The following ASAP1 variants were observed in gnomAD, a reference collection of about 807,000 sequenced individuals.
The protein encoded by ASAP1 is ArfGAP with SH3 domain, ankyrin repeat and PH domain 1.
Under a neutral mutation model 145.2 loss-of-function variants are expected in ASAP1, and 43 were observed. That is an observed-to-expected ratio of 0.30 (90% confidence interval 0.23 to 0.38). The LOEUF is 0.38. Among genes scored for constraint, ASAP1 ranks in the 10% least tolerant of loss-of-function variants. ASAP1 has a pLI of 1.00. For missense variants in ASAP1, 1,018 were observed against 1,355.3 expected (o/e 0.75, Z 3.91); for synonymous variants, 546 against 515.5 (o/e 1.06, Z -0.80).
intron 2 of ASAP1, among the ~76,000 whole-genome samples, chr8:130,398,410 AGT>A (rs1358202987): frequency 1.3e-5 from 2 of 152,238 alleles, no homozygotes; most frequent in Non-Finnish European, 2.9e-5. Context: ...ATAATGGTAT[AGT>A]AGTAATAATA....
At chr8:130,098,309 A>AT (rs2097522637) in intron 24 of ASAP1, among the ~76,000 whole-genome samples, 1 of 152,172 alleles carries the variant, frequency 6.6e-6, no homozygotes, top group Non-Finnish European at 1.5e-5. Context: ...TTTCAGGGAC[A>AT]TAACTGAGTT....
At chr8:130,164,454 G>C (rs2097675937) in intron 11 of ASAP1, among the ~76,000 whole-genome samples, 1 of 152,030 alleles carries the variant, frequency 6.6e-6, no homozygotes, top group Admixed American at 6.6e-5. Context: ...AGCCAGGCGT[G>C]GTGGTACATG....
chr8:130,136,725 A>G (rs1374523753), intron 14 of ASAP1, among the ~76,000 whole-genome samples: 1 of 152,218 alleles, frequency 6.6e-6, no homozygotes, highest in African/African-American at 2.4e-5. Context: ...CCTAGATTCT[A>G]TTCTATTGCT....
At chr8:130,137,351 A>T (rs985472852) in intron 13 of ASAP1, among the ~76,000 whole-genome samples, 2 of 152,258 alleles carry the variant, frequency 1.3e-5, no homozygotes, top group African/African-American at 2.4e-5. Context: ...TAAACTGTGC[A>T]TAAATATCCT....
At chr8:130,065,934 AG>A (rs2097429806) in intron 27 of ASAP1, among the ~76,000 whole-genome samples, 1 of 152,192 alleles carries the variant, frequency 6.6e-6, no homozygotes, top group South Asian at 2.1e-4. Flanking sequence ...ATGGTTAGCT[AG>A]ATCCAGTTCC....
At chr8:130,256,085 A>G (rs1819496239) in intron 3 of ASAP1, among the ~76,000 whole-genome samples, 1 of 152,184 alleles carries the variant, frequency 6.6e-6, no homozygotes, top group South Asian at 2.1e-4. Context: ...TAACGATTCA[A>G]TATTAACTTG....
intron 29 of ASAP1, among the ~76,000 whole-genome samples, chr8:130,056,635 G>A (rs528176430): frequency 6.6e-6 from 1 of 152,330 alleles, no homozygotes; most frequent in East Asian, 1.9e-4. Context: ...TAGGCCTGAA[G>A]GAAGAAAAGT....
At chr8:130,397,192 G>C (rs532779834) in intron 2 of ASAP1, among the ~76,000 whole-genome samples, 1 of 152,276 alleles carries the variant, frequency 6.6e-6, no homozygotes, top group South Asian at 2.1e-4. Flanking sequence ...CCAGACTGGA[G>C]TGCAATGGCA....
intron 3 of ASAP1, among the ~76,000 whole-genome samples, chr8:130,320,763 T>G (rs1174767270): frequency 6.6e-6 from 1 of 152,150 alleles, no homozygotes; most frequent in Non-Finnish European, 1.5e-5. Flanking sequence ...TCATCCTTTC[T>G]AACAGGCTAC....
chr8:130,352,671 T>C (rs1421915957), intron 3 of ASAP1, among the ~76,000 whole-genome samples: 2 of 152,324 alleles, frequency 1.3e-5, no homozygotes, highest in Non-Finnish European at 2.9e-5. Context: ...GACAAAATAC[T>C]TAACTGCTGT....
chr8:130,104,227 G>A (rs1433675175), intron 24 of ASAP1, among the ~76,000 whole-genome samples: 1 of 152,198 alleles, frequency 6.6e-6, no homozygotes, highest in Non-Finnish European at 1.5e-5. Context: ...TCTCTTAGAA[G>A]TAAAATTTAT....
At chr8:130,242,726 C>T (rs1461472222) in intron 3 of ASAP1, among the ~76,000 whole-genome samples, 1 of 152,142 alleles carries the variant, frequency 6.6e-6, no homozygotes, top group Non-Finnish European at 1.5e-5. Context: ...TAAGCTCTTT[C>T]TATGCATTCA....
At chr8:130,307,752 C>A (rs1450153556) in intron 3 of ASAP1, among the ~76,000 whole-genome samples, 1 of 152,152 alleles carries the variant, frequency 6.6e-6, no homozygotes, top group African/African-American at 2.4e-5. Flanking sequence ...AATGAGAAAA[C>A]CAAAAGCCTG....
intron 3 of ASAP1, among the ~76,000 whole-genome samples, chr8:130,351,089 T>C (rs989843413): frequency 1.3e-5 from 2 of 152,198 alleles, no homozygotes; most frequent in Non-Finnish European, 2.9e-5. Flanking sequence ...AAAGCAACTA[T>C]CTTTTCATTT....
At chr8:130,394,321 G>A (rs184240928) in intron 2 of ASAP1, among the ~76,000 whole-genome samples, 1 of 152,044 alleles carries the variant, frequency 6.6e-6, no homozygotes, top group African/African-American at 2.4e-5. Flanking sequence ...GGCCCCCTTG[G>A]GTGTGGCCAT....
chr8:130,366,977 C>T (rs1364408386), intron 2 of ASAP1, among the ~76,000 whole-genome samples: 1 of 150,558 alleles, frequency 6.6e-6, no homozygotes, highest in Non-Finnish European at 1.5e-5. Flanking sequence ...CTGCAACCTC[C>T]ACCTCCCAGG....
At chr8:130,257,911 G>A (rs985294009) in intron 3 of ASAP1, among the ~76,000 whole-genome samples, 1 of 151,830 alleles carries the variant, frequency 6.6e-6, no homozygotes, top group Non-Finnish European at 1.5e-5. Flanking sequence ...GATTGCAAAT[G>A]TGGGGCCCCA....
chr8:130,440,283 G>A (rs1830447313), intron 1 of ASAP1, among the ~76,000 whole-genome samples: 1 of 152,044 alleles, frequency 6.6e-6, no homozygotes, highest in South Asian at 2.1e-4. Flanking sequence ...GGCCATGGTC[G>A]CTCACCTGAG....
At position 130,159,245 on chromosome 8, in the gene ASAP1, T is replaced by C. The variant is rs1247270781; in HGVS notation, c.1010+619A>G. On this transcript the variant is annotated intron_variant, in intron 12 of 29. Coordinates refer to ENST00000518721, the MANE Select transcript of ASAP1 (RefSeq NM_018482.4). ...AGAGCTTTTGCCAGATTGGCTATAATACAAGAGGCAAAAGAGGAGTCAAGG... is the reference window on the plus strand; with the variant it reads ...AGAGCTTTTGCCAGATTGGCTATAACACAAGAGGCAAAAGAGGAGTCAAGG... 2.6e-5 allele frequency among the ~76,000 whole-genome samples: 4 copies of C among 152,048 alleles called. No homozygotes were observed. The East Asian group carries it at 7.7e-4, about 29-fold the overall frequency.
Sources: allele counts gnomAD v4.1 joint callset (sites outside exome capture counted in the v4.1 genomes callset), GRCh38; gene constraint gnomAD v4.1.1; transcripts MANE v1.5; gene names NCBI Gene and HGNC (gene_info 2026-07-23, HGNC 2026-07-21).